HECW1: variants seen among roughly 807,000 people sequenced by gnomAD.
HECW1 encodes the protein E3 ubiquitin-protein ligase HECW1.
A neutral mutation model predicts 182.3 loss-of-function variants in HECW1; 61 were observed. That is an observed-to-expected ratio of 0.33 (90% CI 0.27 to 0.41). The LOEUF (loss-of-function observed/expected upper bound fraction) is 0.41. HECW1 is among the 10% of genes least tolerant of loss of function. The pLI is 1.00. For synonymous variants in HECW1, 859 were observed against 832.6 expected, an observed-to-expected ratio of 1.03 and a Z score of -0.55; for missense variants, 1,739 against 2,108.9, an observed-to-expected ratio of 0.82 and a Z score of 3.44.
intron 6 of HECW1, among the ~76,000 whole-genome samples, chr7:43,384,426 C>T (rs565482912): frequency 6.6e-6 from 1 of 152,282 alleles, no homozygotes; most frequent in African/African-American, 2.4e-5. Flanking sequence ...CCCAAGATGG[C>T]GGTGTGCCTG....
At chr7:43,193,603 A>T (rs56302228) in intron 2 of HECW1, among the ~76,000 whole-genome samples, 4,975 of 151,958 alleles carry the variant, frequency 0.033, 102 homozygotes, top group Middle Eastern at 0.058. Flanking sequence ...GCTGGTCTTG[A>T]ACTCCTGACC....
At chr7:43,311,729 C>T (rs1302279610) in intron 3 of HECW1, 34 bp from the exon 4 acceptor site, 1 of 1,605,018 alleles carries the variant, frequency 6.2e-7, no homozygotes, top group Non-Finnish European at 8.5e-7. Context: ...GCCGGCGTGC[C>T]CTGACCCTGC....
At chr7:43,325,261 G>A (rs1240635169) in intron 5 of HECW1, among the ~76,000 whole-genome samples, 2 of 152,142 alleles carry the variant, frequency 1.3e-5, no homozygotes, top group South Asian at 2.1e-4. Context: ...ATCTTAAGTT[G>A]ACCCATCCTA....
chr7:43,456,632 CAAGTT>C (rs3214630), intron 13 of HECW1, among the ~76,000 whole-genome samples, 185 bp downstream of exon 13: 25,029 of 152,110 alleles, frequency 0.16, 2,243 homozygotes, highest in Middle Eastern at 0.3. Flanking sequence ...AGGCGAGAGA[CAAGTT>C]AAGCTTGAGT....
intron 3 of HECW1, among the ~76,000 whole-genome samples, chr7:43,262,240 A>ATGTGTGTGTGTG (rs768645865): frequency 9.6e-6 from 1 of 103,780 alleles, no homozygotes; most frequent in East Asian, 2.7e-4. Context: ...ATATATATGT[A>ATGTGTGTGTGTG]TGTGTGCGTG....
At chr7:43,479,574 A>G (rs1355084916) in intron 16 of HECW1, 36 bp from the exon 17 acceptor site, 1 of 1,613,254 alleles carries the variant, frequency 6.2e-7, no homozygotes, top group African/African-American at 1.3e-5. Flanking sequence ...CTATTCTCAC[A>G]CCACACGGTG....
At chr7:43,368,575 A>G (rs777059848) in intron 6 of HECW1, among the ~76,000 whole-genome samples, 2 of 152,162 alleles carry the variant, frequency 1.3e-5, no homozygotes, top group Non-Finnish European at 2.9e-5. Flanking sequence ...TCCTCTCTCT[A>G]GATAATTTAC....
intron 2 of HECW1, among the ~76,000 whole-genome samples, chr7:43,174,995 C>A (rs752380901): frequency 2.6e-5 from 4 of 152,120 alleles, no homozygotes; most frequent in African/African-American, 7.2e-5. Context: ...AAACACATCT[C>A]CCAAACTCAA....
intron 5 of HECW1, among the ~76,000 whole-genome samples, chr7:43,323,789 A>G (rs189781847): frequency 6.6e-6 from 1 of 152,316 alleles, no homozygotes; most frequent in Non-Finnish European, 1.5e-5. Flanking sequence ...GCACTTTGGG[A>G]GGCCTAGGTA....
At chr7:43,284,874 C>A (rs972898999) in intron 3 of HECW1, among the ~76,000 whole-genome samples, 1 of 151,976 alleles carries the variant, frequency 6.6e-6, no homozygotes, top group Non-Finnish European at 1.5e-5. Flanking sequence ...TAAGAAACAC[C>A]CAAGGTTGCA....
intron 2 of HECW1, among the ~76,000 whole-genome samples, chr7:43,174,022 G>T (rs1179724615): frequency 6.6e-6 from 1 of 151,984 alleles, no homozygotes; most frequent in African/African-American, 2.4e-5. Flanking sequence ...AAATTTTCTT[G>T]TAGAGACAAT....
chr7:43,187,656 T>C (rs1481195515), intron 2 of HECW1, among the ~76,000 whole-genome samples: 1 of 152,140 alleles, frequency 6.6e-6, no homozygotes, highest in African/African-American at 2.4e-5. Flanking sequence ...AATTTTCTTT[T>C]CTATATTAAC....
At chr7:43,133,412 G>A (rs375395490) in intron 2 of HECW1, among the ~76,000 whole-genome samples, 12 of 151,930 alleles carry the variant, frequency 7.9e-5, no homozygotes, top group East Asian at 5.8e-4. Flanking sequence ...GCCTTTTTCC[G>A]TATCAATCTG....
chr7:43,113,960 G>A, intron 1 of HECW1, 197 bp from the exon 2 acceptor site: 1 of 312,570 alleles, frequency 3.2e-6, no homozygotes, highest in Non-Finnish European at 6.0e-6. Flanking sequence ...GACACAGGCT[G>A]CAGAGATGCC....
intron 2 of HECW1, among the ~76,000 whole-genome samples, chr7:43,235,826 C>T (rs1798281894): frequency 6.6e-6 from 1 of 152,000 alleles, no homozygotes; most frequent in South Asian, 2.1e-4. Context: ...TCCCCTGGGC[C>T]CACAGTAACC....
At chr7:43,529,939 CT>C (rs2080913036) in intron 24 of HECW1, among the ~76,000 whole-genome samples, 2 of 150,912 alleles carry the variant, frequency 1.3e-5, no homozygotes, top group Non-Finnish European at 3.0e-5. Flanking sequence ...CCACTTTTTA[CT>C]TTTTTTATTT....
intron 2 of HECW1, among the ~76,000 whole-genome samples, chr7:43,132,850 T>C (rs563112980): frequency 6.6e-6 from 1 of 152,290 alleles, no homozygotes; most frequent in East Asian, 1.9e-4. Context: ...GCTTATAACA[T>C]TGGCTAAAAT....
chr7:43,545,070 C>G (rs1197095318), intron 26 of HECW1, among the ~76,000 whole-genome samples: 2 of 152,104 alleles, frequency 1.3e-5, no homozygotes, highest in South Asian at 2.1e-4. Context: ...TCAAGACCAG[C>G]CTGGGCAACA....
chr7:43,264,804 A>G (rs1259807645), intron 3 of HECW1, among the ~76,000 whole-genome samples: 2 of 148,924 alleles, frequency 1.3e-5, no homozygotes, highest in Admixed American at 6.8e-5. Context: ...AGATCGCACC[A>G]CTGCACTCCA....
Sources: allele counts gnomAD v4.1 joint callset (sites outside exome capture counted in the v4.1 genomes callset), GRCh38; gene constraint gnomAD v4.1.1; transcripts MANE v1.5; gene names NCBI Gene and HGNC (gene_info 2026-07-23, HGNC 2026-07-21).